Variants in B3GLCT observed in about 807,000 individuals in gnomAD.
B3GLCT encodes beta 3-glucosyltransferase.
A neutral mutation model predicts 63.4 loss-of-function variants in B3GLCT; 65 were observed. The ratio of observed to expected loss-of-function variants is 1.03; its 90% CI spans 0.84 to 1.26. The LOEUF (loss-of-function observed/expected upper bound fraction) is 1.26. B3GLCT is among the 50% of genes most tolerant of loss of function. B3GLCT has a pLI of 0.00. For synonymous variants in B3GLCT, 233 were observed against 219.2 expected (o/e 1.06, Z -0.55); for missense variants, 577 against 604.8 (o/e 0.95, Z 0.48).
At chr13:31,270,356 G>A (rs904313899) in intron 8 of B3GLCT, among the ~76,000 whole-genome samples, 2 of 152,114 alleles carry the variant, frequency 1.3e-5, no homozygotes, top group Non-Finnish European at 2.9e-5. Context: ...TCTTTAAATG[G>A]TAATACAGAA....
At chr13:31,260,900 T>G in intron 6 of B3GLCT, 46 bp from the exon 7 acceptor site, 4 of 1,578,140 alleles carry the variant, frequency 2.5e-6, no homozygotes, top group Non-Finnish European at 3.5e-6. Flanking sequence ...TGGTCTTACA[T>G]GAAATGATTG....
intron 8 of B3GLCT, among the ~76,000 whole-genome samples, chr13:31,269,635 A>C (rs1228138348): frequency 7.1e-6 from 1 of 139,922 alleles, no homozygotes; most frequent in Non-Finnish European, 1.5e-5. Flanking sequence ...TTGAATGATC[A>C]TGTCCCCGCC....
intron 8 of B3GLCT, 61 bp downstream of exon 8, chr13:31,269,338 A>C: frequency 7.8e-7 from 1 of 1,289,820 alleles, no homozygotes; most frequent in Non-Finnish European, 1.1e-6. Context: ...CCTTTGATGT[A>C]AAAGGTATTT....
chr13:31,295,153 CA>C (rs1873869736), intron 12 of B3GLCT, among the ~76,000 whole-genome samples: 1 of 152,216 alleles, frequency 6.6e-6, no homozygotes, highest in East Asian at 1.9e-4. Flanking sequence ...GGCTGCAGAA[CA>C]GCAAAGATTG....
intron 6 of B3GLCT, among the ~76,000 whole-genome samples, chr13:31,256,794 G>T (rs1871767357): frequency 1.3e-5 from 2 of 152,156 alleles, no homozygotes; most frequent in African/African-American, 4.8e-5. Flanking sequence ...CTTAGGGAGG[G>T]ATAGCATTAG....
rs539655863 is a variant in B3GLCT at position 31,290,846 on chromosome 13, C to CAGT, written c.1064+4030_1064+4032dup. On this transcript the variant is annotated intron_variant, in intron 12 of 14. Coordinates refer to ENST00000343307, the MANE Select transcript of B3GLCT (RefSeq NM_194318.4). ...TCTGATGATAGTTTCTTTTGCTGTG[C>CAGT]AGTAGCTCTTTAGTTTAATTGGATC... Among the ~76,000 whole-genome samples, 387 of 152,172 alleles carry CAGT rather than the reference C, an allele frequency of 2.5e-3. 2 individuals carry two copies. The highest frequency in any genetic ancestry group is 8.9e-3 in the African/African-American group (368 of 41,506).
In B3GLCT at chr13:31,282,004, A is replaced by T. The variant is rs569084681; in HGVS notation, c.851-2644A>T. On this transcript the variant is annotated intron_variant, in intron 10 of 14. Transcript: ENST00000343307. ...GTGCAGCTGGCATTTTTATAGTAAAATTTTTTTTACTTTGCTCCAAGTTTA... is the reference window on the plus strand; with the variant it reads ...GTGCAGCTGGCATTTTTATAGTAAATTTTTTTTTACTTTGCTCCAAGTTTA... Among the ~76,000 whole-genome samples, 7 of 152,054 alleles carry T rather than the reference A, an allele frequency of 4.6e-5. No individual in the cohort carries two copies. In the South Asian group the frequency reaches 1.0e-3, roughly 23 times the overall value.
At chr13:31,232,127 G>C (rs989392797) in intron 4 of B3GLCT, among the ~76,000 whole-genome samples, 1 of 152,176 alleles carries the variant, frequency 6.6e-6, no homozygotes, top group Non-Finnish European at 1.5e-5. Flanking sequence ...TGAAGTTCCT[G>C]TCTCTAGATC....
chr13:31,243,885 A>G (rs1378771691), intron 4 of B3GLCT, among the ~76,000 whole-genome samples: 4 of 152,260 alleles, frequency 2.6e-5, no homozygotes, highest in African/African-American at 9.6e-5. Flanking sequence ...AATTACTGCA[A>G]GCGACCTTTT....
chr13:31,297,121 G>T (rs1873987845), intron 12 of B3GLCT, among the ~76,000 whole-genome samples: 1 of 151,710 alleles, frequency 6.6e-6, no homozygotes, highest in African/African-American at 2.4e-5. Context: ...CCTATTTAAG[G>T]CTGAATAACA....
At chr13:31,247,203 G>A (rs1871237194) in intron 5 of B3GLCT, 104 bp downstream of exon 5, 2 of 901,664 alleles carry the variant, frequency 2.2e-6, no homozygotes, top group Non-Finnish European at 3.6e-6. Flanking sequence ...CAGTCAGTAA[G>A]TGAAGTAAAT....
rs780383474 is a variant in B3GLCT at position 31,329,618 on chromosome 13, G to C, written c.1447G>C (p.Glu483Gln). The C allele has an allele frequency of 6.2e-7, 1 of 1,614,192 alleles. No homozygotes were observed. The highest frequency in any genetic ancestry group is 1.1e-5 in the South Asian group (1 of 91,084). Reference sequence around the variant, plus strand: ...TTTCACATGGTTGGCACCCAGTGACGAAGACAAAGCCAGGCAGGAGACACA... The same window carrying C: ...TTTCACATGGTTGGCACCCAGTGACCAAGACAAAGCCAGGCAGGAGACACA... ...VYFTWLAPSDEDKARQETQKG... is the reference protein window; with the variant it reads ...VYFTWLAPSDQDKARQETQKG... Residue 483 changes from glutamate (E) to glutamine (Q), a missense_variant, in exon 15 of 15, where the codon GAA becomes CAA. Transcript: ENST00000343307.
intron 3 of B3GLCT, among the ~76,000 whole-genome samples, chr13:31,226,674 A>G (rs917665453): frequency 1.3e-5 from 2 of 151,984 alleles, no homozygotes; most frequent in Non-Finnish European, 2.9e-5. Flanking sequence ...GGCCCAAGCA[A>G]TCCTCCCACT....
intron 7 of B3GLCT, among the ~76,000 whole-genome samples, chr13:31,261,816 GA>G: frequency 1.3e-5 from 2 of 152,278 alleles, no homozygotes; most frequent in South Asian, 4.1e-4. Flanking sequence ...GCCCATTGTA[GA>G]TATACAGGAT....
intron 12 of B3GLCT, among the ~76,000 whole-genome samples, chr13:31,290,300 A>G (rs531433666): frequency 1.3e-5 from 2 of 152,268 alleles, no homozygotes; most frequent in East Asian, 1.9e-4. Context: ...AGTCTTTGCT[A>G]TTGTGAATAG....
At chr13:31,277,155 G>A (rs1196388717) in intron 10 of B3GLCT, among the ~76,000 whole-genome samples, 1 of 152,090 alleles carries the variant, frequency 6.6e-6, no homozygotes, top group African/African-American at 2.4e-5. Flanking sequence ...GTAACAGCAT[G>A]CCAACAAAGA....
chr13:31,263,090 C>T (rs1872121605), intron 7 of B3GLCT, among the ~76,000 whole-genome samples: 2 of 152,146 alleles, frequency 1.3e-5, no homozygotes, highest in African/African-American at 4.8e-5. Flanking sequence ...AGCTATATGG[C>T]AAGCGGGGGT....
At chr13:31,278,687 T>A (rs893089425) in intron 10 of B3GLCT, among the ~76,000 whole-genome samples, 3 of 152,252 alleles carry the variant, frequency 2.0e-5, no homozygotes, top group Non-Finnish European at 4.4e-5. Context: ...CACTGGGCTC[T>A]GCCCCTCATT....
intron 1 of B3GLCT, among the ~76,000 whole-genome samples, chr13:31,211,861 AC>A (rs1329857662): frequency 2.0e-5 from 3 of 152,336 alleles, no homozygotes; most frequent in African/African-American, 7.2e-5. Flanking sequence ...AAATAAAGAT[AC>A]CTTCCCTGCA....
Sources: allele counts gnomAD v4.1 joint callset (sites outside exome capture counted in the v4.1 genomes callset), GRCh38; gene constraint gnomAD v4.1.1; transcripts MANE v1.5; gene names NCBI Gene and HGNC (gene_info 2026-07-23, HGNC 2026-07-21).